Variants in CRYBG1 observed in about 807,000 individuals in gnomAD.
The protein encoded by CRYBG1 is beta/gamma crystallin domain-containing protein 1.
Under a neutral mutation model 189.2 loss-of-function variants are expected in CRYBG1, and 139 were observed. The observed-to-expected ratio is 0.73, with a 90% CI of 0.64 to 0.85. CRYBG1 has a LOEUF of 0.85. Among genes scored for constraint, CRYBG1 ranks in the 40% least tolerant of loss-of-function variants. The probability of loss-of-function intolerance (pLI) is 0.00; values close to 1 mark genes in which losing one functional copy is unlikely to be tolerated. For synonymous variants in CRYBG1, 1,023 were observed against 1,017.1 expected (o/e 1.01, Z -0.11); for missense variants, 2,611 against 2,675.8 (o/e 0.98, Z 0.53).
chr6:106,432,088 C>T lies in CRYBG1; in HGVS notation c.174-19606C>T, dbSNP rs544322618. Among the ~76,000 whole-genome samples, 66 of 152,306 alleles carry T rather than the reference C, an allele frequency of 4.3e-4. 1 individual carries two copies. Among genetic ancestry groups the T allele is most frequent in the South Asian group, 1.9e-3 (9 of 4,828 alleles). ...AATTCTAGCGTGGCAAAAATCATTGCTGTCTTCAAAATGCCTCTTGTCTGT... is the reference window on the plus strand; with the variant it reads ...AATTCTAGCGTGGCAAAAATCATTGTTGTCTTCAAAATGCCTCTTGTCTGT... On this transcript the variant is annotated intron_variant, in intron 1 of 21. Transcript: ENST00000633556.
chr6:106,379,781 T>C (rs1562291184), intron 1 of CRYBG1, among the ~76,000 whole-genome samples: 1 of 151,834 alleles, frequency 6.6e-6, no homozygotes, highest in East Asian at 1.9e-4. Flanking sequence ...AGCTTGAGGA[T>C]TGCTTGAGGC....
Position 106,520,345 on chromosome 6 carries a change from G to A in CRYBG1, c.3137G>A (p.Gly1046Asp), listed in dbSNP as rs1307839265. The A allele has an allele frequency of 2.5e-6, 4 of 1,614,100 alleles. No individual in the cohort carries two copies. Among genetic ancestry groups the A allele is most frequent in the Non-Finnish European group, 3.4e-6 (4 of 1,180,028 alleles). The change falls in exon 4 of 22, where the codon GGC becomes GAC. Residue 1046 changes from glycine to aspartate, a missense_variant. Physicochemically the swap from Gly to Asp is moderately conservative, Grantham distance 94. Around this residue, in one of 3 missense-constraint regions of CRYBG1, gnomAD observed 1,622 missense variants for 1,735.0 expected, o/e 0.93. Coordinates refer to ENST00000633556, the MANE Select transcript of CRYBG1 (RefSeq NM_001371242.2). ...CTGCCTATTCAGGCTCAAAGTCAGG[G>A]CAGCAGAACACCCCTGATGGCTGAA... ...KTLPIQAQSQGSRTPLMAESS... is the reference protein window; with the variant it reads ...KTLPIQAQSQDSRTPLMAESS...
At chr6:106,547,214 C>CCT (rs1286318848) in intron 13 of CRYBG1, among the ~76,000 whole-genome samples, 54 of 125,932 alleles carry the variant, frequency 4.3e-4, no homozygotes, top group African/African-American at 1.5e-3. Context: ...ACACACACAC[C>CCT]ACTTCCTTTG....
In CRYBG1 at chr6:106,512,105, A is replaced by G; in HGVS notation, c.988A>G (p.Asn330Asp). 1.3e-6 allele frequency: 2 copies of G among 1,534,288 alleles called. No homozygotes were observed. The highest frequency in any genetic ancestry group is 8.7e-7 in the Non-Finnish European group (1 of 1,146,136). ...CGAAGAAGGCTCCCTGGGGCCCCGC[A>G]ACGCCCGCAGCCAGCCCCCCAAGGG... ...CAEEGSLGPRNARSQPPKGAS... is the reference protein window; with the variant it reads ...CAEEGSLGPRDARSQPPKGAS... The change falls in exon 3 of 22, where the codon AAC (asparagine) becomes GAC (aspartate). Residue 330 changes from asparagine (N) to aspartate (D), a missense_variant. By Grantham distance (23) the Asn-to-Asp change is conservative. Coordinates refer to ENST00000633556, the MANE Select transcript of CRYBG1 (RefSeq NM_001371242.2).
intron 2 of CRYBG1, among the ~76,000 whole-genome samples, chr6:106,453,957 A>T (rs1771834016): frequency 6.6e-6 from 1 of 152,168 alleles, no homozygotes; most frequent in African/African-American, 2.4e-5. Flanking sequence ...AAGGAGAGGC[A>T]GAGTGTGGTT....
intron 12 of CRYBG1, 25 bp from the exon 13 acceptor site, chr6:106,544,763 A>G: frequency 6.2e-7 from 1 of 1,602,686 alleles, no homozygotes; most frequent in African/African-American, 1.4e-5. Flanking sequence ...CTAGCCTTTG[A>G]ATTTTGAATT....
At chr6:106,462,015 T>C (rs1772015794) in intron 2 of CRYBG1, among the ~76,000 whole-genome samples, 1 of 152,232 alleles carries the variant, frequency 6.6e-6, no homozygotes, top group Non-Finnish European at 1.5e-5. Context: ...TGAGTATTGA[T>C]GATTGTCAAT....
intron 2 of CRYBG1, among the ~76,000 whole-genome samples, chr6:106,468,019 C>G (rs763308931): frequency 6.6e-6 from 1 of 151,960 alleles, no homozygotes; most frequent in East Asian, 1.9e-4. Flanking sequence ...TCACACATAA[C>G]TGGGGGTCAT....
chr6:106,516,808 C>T (rs1773433456), intron 3 of CRYBG1, among the ~76,000 whole-genome samples: 2 of 152,144 alleles, frequency 1.3e-5, no homozygotes, highest in African/African-American at 4.8e-5. Context: ...AACTGTGGCC[C>T]TGTCACTTAT....
chr6:106,546,054 G>A (rs1774260719), intron 13 of CRYBG1, among the ~76,000 whole-genome samples: 1 of 152,166 alleles, frequency 6.6e-6, no homozygotes, highest in Admixed American at 6.5e-5. Context: ...TCCTAGGCTT[G>A]GGTCATGTGC....
rs545526069 is a variant in CRYBG1, at chr6:106,368,195, C to T, written c.173+7114C>T. Among the ~76,000 whole-genome samples the T allele has an allele frequency of 4.6e-5, 7 of 152,188 alleles. No individual in the cohort carries two copies. The South Asian group carries it at 1.5e-3, about 32-fold the overall frequency. On this transcript the variant is annotated intron_variant, in intron 1 of 21. Coordinates refer to ENST00000633556, the MANE Select transcript of CRYBG1 (RefSeq NM_001371242.2). ...TTGGGAGGTGGAGGCAGGTGGATCA[C>T]TTACTTGAGGCCAGGAGTTTGAGAG...
intron 1 of CRYBG1, among the ~76,000 whole-genome samples, chr6:106,439,309 T>C (rs1478173013): frequency 6.6e-6 from 1 of 152,170 alleles, no homozygotes; most frequent in East Asian, 1.9e-4. Context: ...TTTATGAATT[T>C]CTCATTTTTA....
intron 16 of CRYBG1, 151 bp from the exon 17 acceptor site, chr6:106,555,617 T>A (rs370992891): frequency 9.9e-7 from 1 of 1,005,130 alleles, no homozygotes; most frequent in Non-Finnish European, 1.5e-6. Context: ...AGAAATGCAA[T>A]AAATATATCC....
chr6:106,530,539 G>A (rs1435385818), intron 8 of CRYBG1, among the ~76,000 whole-genome samples: 1 of 142,226 alleles, frequency 7.0e-6, no homozygotes, highest in African/African-American at 2.6e-5. Context: ...AAATGGGGGG[G>A]GATTGAATTT....
rs755171153 is a variant in CRYBG1 at position 106,424,032 on chromosome 6, A to G, written c.174-27662A>G. 1.7e-4 allele frequency among the ~76,000 whole-genome samples: 26 copies of G among 151,872 alleles called. 1 individual carries two copies. The highest frequency in any genetic ancestry group is 3.2e-4 in the Non-Finnish European group (22 of 67,994). ...TCCCTCCTTTCCTTCTCTCTCTCTC[A>G]TGATTTAAGATAACCTAATATGCAA... On this transcript the variant is annotated intron_variant, in intron 1 of 21. Transcript: ENST00000633556.
intron 2 of CRYBG1, among the ~76,000 whole-genome samples, chr6:106,506,706 G>A (rs1463211917): frequency 6.6e-6 from 1 of 151,934 alleles, no homozygotes; most frequent in Non-Finnish European, 1.5e-5. Context: ...ACCCACCTCG[G>A]CCTCCCAAAA....
chr6:106,478,165 A>G (rs145449863), intron 2 of CRYBG1, among the ~76,000 whole-genome samples: 15 of 152,320 alleles, frequency 9.8e-5, no homozygotes, highest in African/African-American at 3.4e-4. Context: ...GTATCCTTCA[A>G]CCCTGTTGGG....
At position 106,520,290 on chromosome 6, in the gene CRYBG1, C is replaced by T. The variant is rs1203577083; in HGVS notation, c.3082C>T (p.Gln1028Ter). 5 of 1,614,020 alleles carry T rather than the reference C, an allele frequency of 3.1e-6. No homozygotes were observed. The highest frequency in any genetic ancestry group is 1.3e-5 in the African/African-American group (1 of 74,918). Residue 1028 changes from glutamine (Q) to a stop codon, truncating the protein, a stop_gained, in exon 4 of 22, where the codon CAA becomes TAA. Transcript: ENST00000633556. LOFTEE classifies it high-confidence loss of function. ...TAELAAKSGP[Q>*]VIPPASEKTL... The stretch of plus-strand genomic sequence containing the variant: ...AGAGCTCGCGGCAAAATCTGGCCCA[C>T]AAGTCATACCGCCAGCATCAGAGAA...
chr6:106,364,568 T>C (rs1771945018), intron 1 of CRYBG1, among the ~76,000 whole-genome samples: 1 of 152,232 alleles, frequency 6.6e-6, no homozygotes. Flanking sequence ...TTCACAAAGA[T>C]AGAGTTGCTG....
Sources: gnomAD v4.1 joint callset for allele counts (sites outside exome capture counted in the v4.1 genomes callset) on GRCh38, gnomAD v4.1.1 for gene constraint, gnomAD v4.1.1 regional missense constraint, MANE v1.5 for transcripts, NCBI Gene and HGNC (gene_info 2026-07-23, HGNC 2026-07-21) for gene names.